Variants in ZBTB7C observed in about 807,000 individuals in gnomAD.
ZBTB7C encodes the protein zinc finger and BTB domain containing 7C.
ZBTB7C carries 8 observed loss-of-function variants against 25.7 expected under a neutral mutation model. The ratio of observed to expected loss-of-function variants is 0.31; its 90% CI spans 0.18 to 0.56. ZBTB7C has a LOEUF of 0.56. Ranked by LOEUF, ZBTB7C falls within the 20% of genes least tolerant of loss-of-function variation. The pLI, the probability that ZBTB7C is intolerant of heterozygous loss-of-function variation, is 0.91. For synonymous variants in ZBTB7C, 394 were observed against 369.0 expected (o/e 1.07, Z -0.78); for missense variants, 824 against 855.2 (o/e 0.96, Z 0.46).
At chr18:48,333,137 C>A (rs972764832) in intron 2 of ZBTB7C, among the ~76,000 whole-genome samples, 1 of 151,854 alleles carries the variant, frequency 6.6e-6, no homozygotes, top group East Asian at 1.9e-4. Context: ...TGTTTTTAGT[C>A]GGGTACTATT....
At chr18:48,401,809 T>G (rs1300827838) in intron 1 of ZBTB7C, among the ~76,000 whole-genome samples, 1 of 151,826 alleles carries the variant, frequency 6.6e-6, no homozygotes, top group African/African-American at 2.4e-5. Context: ...CTCCAGGGAG[T>G]TAAGTGCTCC....
chr18:48,173,257 A>G (rs941743148), intron 3 of ZBTB7C, among the ~76,000 whole-genome samples: 3 of 152,198 alleles, frequency 2.0e-5, no homozygotes, highest in Admixed American at 6.5e-5. Context: ...TCCACTCCAC[A>G]TCAGGCCCCA....
At chr18:48,129,866 G>A (rs2039934465) in intron 3 of ZBTB7C, among the ~76,000 whole-genome samples, 2 of 152,216 alleles carry the variant, frequency 1.3e-5, no homozygotes, top group South Asian at 4.1e-4. Context: ...GTTATGGGGT[G>A]GAAGCCAAGG....
intron 3 of ZBTB7C, among the ~76,000 whole-genome samples, chr18:48,119,350 T>C (rs142319038): frequency 6.7e-6 from 1 of 149,632 alleles, no homozygotes; most frequent in African/African-American, 2.5e-5. Flanking sequence ...ATCAAGCCAG[T>C]GCAGGCGCAA....
At chr18:48,344,191 C>T (rs1164038256) in intron 1 of ZBTB7C, among the ~76,000 whole-genome samples, 1 of 152,180 alleles carries the variant, frequency 6.6e-6, no homozygotes, top group African/African-American at 2.4e-5. Flanking sequence ...ACCTTGTTGG[C>T]CAGGCTGGTC....
intron 2 of ZBTB7C, among the ~76,000 whole-genome samples, chr18:48,269,424 C>T (rs967285873): frequency 2.0e-5 from 3 of 152,238 alleles, no homozygotes; most frequent in African/African-American, 7.2e-5. Context: ...CTAATACTAT[C>T]ACCTTGGAGG....
intron 1 of ZBTB7C, among the ~76,000 whole-genome samples, chr18:48,395,197 C>T (rs2047993144): frequency 6.6e-6 from 1 of 151,530 alleles, no homozygotes; most frequent in Non-Finnish European, 1.5e-5. Flanking sequence ...TGAGTTCTGG[C>T]CTCTGTGACA....
intron 2 of ZBTB7C, among the ~76,000 whole-genome samples, chr18:48,188,750 C>T (rs992674048): frequency 9.9e-5 from 15 of 152,190 alleles, no homozygotes; most frequent in Non-Finnish European, 2.2e-4. Flanking sequence ...TGTCTGCTCT[C>T]CCCACCGGGA....
chr18:48,151,816 C>CCTCT (rs1414789887), intron 3 of ZBTB7C, among the ~76,000 whole-genome samples: 4 of 152,194 alleles, frequency 2.6e-5, no homozygotes, highest in African/African-American at 9.7e-5. Context: ...GACAACTGGG[C>CCTCT]CTCTCTTCTC....
intron 2 of ZBTB7C, among the ~76,000 whole-genome samples, chr18:48,333,287 G>A (rs1298024912): frequency 6.6e-6 from 1 of 152,162 alleles, no homozygotes; most frequent in East Asian, 1.9e-4. Flanking sequence ...TGGGCTCCCA[G>A]GAAGCAATAA....
At chr18:48,241,726 T>C (rs1269104684) in intron 2 of ZBTB7C, among the ~76,000 whole-genome samples, 3 of 152,274 alleles carry the variant, frequency 2.0e-5, no homozygotes, top group East Asian at 1.9e-4. Context: ...GGAAAGTTCA[T>C]TGCATTAAAT....
At chr18:48,276,274 CTTTT>C (rs555046633) in intron 2 of ZBTB7C, among the ~76,000 whole-genome samples, 2 of 140,208 alleles carry the variant, frequency 1.4e-5, no homozygotes, top group African/African-American at 2.6e-5. Context: ...AGCTTTCTCT[CTTTT>C]TTTTTTTTTC....
intron 1 of ZBTB7C, among the ~76,000 whole-genome samples, chr18:48,382,045 G>T (rs1246320916): frequency 6.6e-6 from 1 of 152,180 alleles, no homozygotes; most frequent in Non-Finnish European, 1.5e-5. Flanking sequence ...AAATAAATTG[G>T]AAACAATAAT....
chr18:48,231,379 C>A (rs1453920311), intron 2 of ZBTB7C, among the ~76,000 whole-genome samples: 1 of 152,176 alleles, frequency 6.6e-6, no homozygotes, highest in Non-Finnish European at 1.5e-5. Context: ...ACAGGACAAC[C>A]TGCCTGCAGA....
At chr18:48,290,881 C>T (rs2045208606) in intron 2 of ZBTB7C, among the ~76,000 whole-genome samples, 2 of 152,190 alleles carry the variant, frequency 1.3e-5, no homozygotes, top group African/African-American at 2.4e-5. Context: ...AGACAGTGAA[C>T]GAAAGTCAAA....
At chr18:48,377,327 A>T (rs1049735311) in intron 1 of ZBTB7C, among the ~76,000 whole-genome samples, 1 of 152,252 alleles carries the variant, frequency 6.6e-6, no homozygotes, top group Non-Finnish European at 1.5e-5. Flanking sequence ...GAGCTGTACG[A>T]ATTATCATAA....
chr18:48,275,331 C>T (rs562725489), intron 2 of ZBTB7C, among the ~76,000 whole-genome samples: 51 of 152,332 alleles, frequency 3.3e-4, no homozygotes, highest in Middle Eastern at 3.4e-3. Flanking sequence ...AGCGCTGCTG[C>T]GTTCCTATGC....
intron 3 of ZBTB7C, among the ~76,000 whole-genome samples, chr18:48,168,788 T>G (rs2145008055): frequency 6.6e-6 from 1 of 152,378 alleles, no homozygotes; most frequent in East Asian, 1.9e-4. Flanking sequence ...AAGGATAATG[T>G]TGGTCTTCTG....
intron 2 of ZBTB7C, among the ~76,000 whole-genome samples, chr18:48,264,934 GA>G (rs2044268496): frequency 6.6e-6 from 1 of 152,230 alleles, no homozygotes; most frequent in Non-Finnish European, 1.5e-5. Context: ...GAAAGTAAAA[GA>G]CAGAATGGTT....
Sources: gnomAD v4.1 joint callset for allele counts (sites outside exome capture counted in the v4.1 genomes callset) on GRCh38, gnomAD v4.1.1 for gene constraint, MANE v1.5 for transcripts, NCBI Gene and HGNC (gene_info 2026-07-23, HGNC 2026-07-21) for gene names.